Variants in ITSN1 observed in about 807,000 individuals in gnomAD.
ITSN1 encodes the protein intersectin-1.
Under a neutral mutation model 239.8 loss-of-function variants are expected in ITSN1, and 58 were observed. That is an observed-to-expected ratio of 0.24 (90% CI 0.20 to 0.30). The LOEUF is 0.30. ITSN1 is among the 10% of genes least tolerant of loss of function. The pLI is 1.00. For synonymous variants in ITSN1, 780 were observed against 770.8 expected (o/e 1.01, Z -0.20); for missense variants, 1,558 against 2,103.3 (o/e 0.74, Z 5.07).
At chr21:33,677,434 G>C (rs929498663) in intron 1 of ITSN1, among the ~76,000 whole-genome samples, 12 of 151,664 alleles carry the variant, frequency 7.9e-5, no homozygotes, top group African/African-American at 2.9e-4. Context: ...TCGCCTCCCT[G>C]GTTCAAGGGA....
At chr21:33,817,851 A>G (rs902406029) in intron 22 of ITSN1, 1 of 338,078 alleles carries the variant, frequency 3.0e-6, no homozygotes, top group Admixed American at 4.6e-5. Flanking sequence ...TGATCTCATG[A>G]TAGTTCATAA....
chr21:33,841,237 G>A (rs1602557573), intron 29 of ITSN1, among the ~76,000 whole-genome samples: 2 of 152,222 alleles, frequency 1.3e-5, no homozygotes, highest in African/African-American at 2.4e-5. Flanking sequence ...TGCTTTCAGC[G>A]ATGCCATCAG....
chr21:33,825,550 G>A (rs2148326553), intron 25 of ITSN1, among the ~76,000 whole-genome samples: 1 of 152,246 alleles, frequency 6.6e-6, no homozygotes, highest in Admixed American at 6.5e-5. Context: ...ACAGAACATG[G>A]CCTTCTGAAT....
At chr21:33,737,238 G>A (rs1270508493) in intron 5 of ITSN1, among the ~76,000 whole-genome samples, 1 of 152,166 alleles carries the variant, frequency 6.6e-6, no homozygotes, top group South Asian at 2.1e-4. Context: ...TTACTGCTGA[G>A]AAAGTTTTAC....
At chr21:33,773,375 GCTTC>G (rs2069328322) in intron 12 of ITSN1, among the ~76,000 whole-genome samples, 1 of 152,066 alleles carries the variant, frequency 6.6e-6, no homozygotes, top group African/African-American at 2.4e-5. Flanking sequence ...TCTATGGAAG[GCTTC>G]GTAAATTTAG....
intron 34 of ITSN1, among the ~76,000 whole-genome samples, chr21:33,879,354 A>G (rs1569337580): frequency 3.9e-5 from 6 of 152,118 alleles, no homozygotes; most frequent in Admixed American, 1.3e-4. Context: ...CTGTCTCAGA[A>G]AAAAAAGAAA....
chr21:33,838,370 G>A, intron 29 of ITSN1: 7 of 985,312 alleles, frequency 7.1e-6, no homozygotes, highest in Non-Finnish European at 8.4e-6. Flanking sequence ...TCGTTCAGTT[G>A]CACTTCAGTA....
chr21:33,689,595 G>A lies in ITSN1; in HGVS notation c.-32-29202G>A, dbSNP rs755825305. On this transcript the variant is annotated intron_variant, in intron 1 of 39. Transcript: ENST00000381318. ...AGAGGCTAACATGGGAGGATTGCTT[G>A]CACTCAGGAGTTCGAGGCTACAGTG... Among the ~76,000 whole-genome samples the A allele has an allele frequency of 2.6e-5, 4 of 152,284 alleles. No individual in the cohort carries two copies. The South Asian group carries it at 8.3e-4, about 32-fold the overall frequency.
rs1352673118 is a variant in ITSN1 at position 33,898,072 on chromosome 21, TGA to T, written c.*9776_*9777del. The stretch of plus-strand genomic sequence containing the variant: ...GAGAGGGTACTTGTGTCAGGAAGGA[TGA>T]GAGGATAGGGAGCCTGTTTTTCATC... On this transcript the variant is annotated 3_prime_UTR_variant, in exon 40 of 40. Coordinates refer to ENST00000381318, the MANE Select transcript of ITSN1 (RefSeq NM_003024.3). 1.3e-5 allele frequency: 2 copies of T among 152,114 alleles called. No individual in the cohort carries two copies. The highest frequency in any genetic ancestry group is 2.9e-5 in the Non-Finnish European group (2 of 68,012). 9.4% of individuals were successfully genotyped at this position (152,114 alleles called of 1,614,324 possible). A position where few individuals can be genotyped will look rare whatever the true frequency, so the allele number is the denominator to read the frequency against.
At chr21:33,884,007 C>T (rs1433435519) in intron 36 of ITSN1, among the ~76,000 whole-genome samples, 3 of 149,850 alleles carry the variant, frequency 2.0e-5, no homozygotes, top group Non-Finnish European at 3.0e-5. Context: ...TCAGGTAATC[C>T]TCCCACCCTA....
chr21:33,671,050 A>C (rs936068798), intron 1 of ITSN1, among the ~76,000 whole-genome samples: 1 of 152,214 alleles, frequency 6.6e-6, no homozygotes. Flanking sequence ...GGTTCCGATA[A>C]TTATACATGG....
intron 1 of ITSN1, among the ~76,000 whole-genome samples, chr21:33,680,477 A>C (rs1231058780): frequency 2.6e-5 from 4 of 151,844 alleles, no homozygotes; most frequent in Non-Finnish European, 4.4e-5. Flanking sequence ...CATTACAGGC[A>C]TGCACCACCA....
chr21:33,809,078 A>G (rs750121440), intron 20 of ITSN1, among the ~76,000 whole-genome samples: 20 of 152,220 alleles, frequency 1.3e-4, no homozygotes, highest in Non-Finnish European at 2.1e-4. Flanking sequence ...AGAAGATCCA[A>G]ATGGGGGAAA....
chr21:33,775,644 G>A (rs1158357492), intron 14 of ITSN1, among the ~76,000 whole-genome samples: 13 of 152,172 alleles, frequency 8.5e-5, no homozygotes, highest in Admixed American at 3.9e-4. Flanking sequence ...TCCTGAGGTC[G>A]TAGCAGGACT....
Position 33,702,749 on chromosome 21 carries a change from A to G in ITSN1, c.-32-16048A>G, listed in dbSNP as rs147104177. Among the ~76,000 whole-genome samples, 548 of 152,290 alleles carry G rather than the reference A, an allele frequency of 3.6e-3. 2 individuals carry two copies. The highest frequency in any genetic ancestry group is 0.012 in the African/African-American group (519 of 41,552). On this transcript the variant is annotated intron_variant, in intron 1 of 39. Transcript: ENST00000381318. Reference sequence around the variant, plus strand: ...GAACTGAAATAACAAATCTGTTTCAATATACTTTTTTATCATGCAAAATGA... The same window carrying G: ...GAACTGAAATAACAAATCTGTTTCAGTATACTTTTTTATCATGCAAAATGA...
intron 16 of ITSN1, 23 bp downstream of exon 16, chr21:33,782,156 C>T (rs1301755882): frequency 8.1e-6 from 13 of 1,607,592 alleles, no homozygotes; most frequent in Non-Finnish European, 1.0e-5. Context: ...TGTGTGCCTG[C>T]ATGTGTGTCC....
rs141024442 is a variant in ITSN1 at position 33,783,704 on chromosome 21, A to C, written c.1824+1571A>C. On this transcript the variant is annotated intron_variant, in intron 16 of 39. Coordinates refer to ENST00000381318, the MANE Select transcript of ITSN1 (RefSeq NM_003024.3). ...CTCTTTTATAAGCAAAAAAAAAAAA[A>C]AAATAGCACTGTTGCAAAGCCTATG... is the stretch of plus-strand genomic sequence containing the variant. Among the ~76,000 whole-genome samples the C allele has an allele frequency of 7.5e-3, 1,147 of 152,242 alleles. 14 individuals carry two copies. Among genetic ancestry groups the C allele is most frequent in the African/African-American group, 0.026 (1,092 of 41,532 alleles).
intron 24 of ITSN1, 94 bp downstream of exon 24, chr21:33,819,417 C>T: frequency 1.2e-6 from 1 of 833,954 alleles, no homozygotes. Flanking sequence ...AGATAGACTG[C>T]ATTTATGATC....
intron 1 of ITSN1, among the ~76,000 whole-genome samples, chr21:33,690,817 A>ATG (rs2091500400): frequency 1.8e-5 from 1 of 54,106 alleles, no homozygotes; most frequent in East Asian, 4.2e-4. Context: ...ATATATATGT[A>ATG]TATATATATA....
Sources: allele counts gnomAD v4.1 joint callset (sites outside exome capture counted in the v4.1 genomes callset), GRCh38; gene constraint gnomAD v4.1.1; transcripts MANE v1.5; gene names NCBI Gene and HGNC (gene_info 2026-07-23, HGNC 2026-07-21).